SPMIP2: variants seen among roughly 807,000 people sequenced by gnomAD.
SPMIP2 encodes sperm microtubule inner protein 2.
At chr4:159,006,014 C>T in the SPMIP2 span, among the ~76,000 whole-genome samples, 2 of 152,330 alleles carry the variant, frequency 1.3e-5, no homozygotes, top group African/African-American at 4.8e-5. Context: ...ATCCACCTGC[C>T]TTGGCCTCCC....
chr4:158,975,215 A>G, the SPMIP2 span, among the ~76,000 whole-genome samples: 1 of 152,092 alleles, frequency 6.6e-6, no homozygotes, highest in Non-Finnish European at 1.5e-5. Flanking sequence ...TCAGATGGAT[A>G]GATTGCAAAA....
the SPMIP2 span, among the ~76,000 whole-genome samples, chr4:159,080,043 G>C: frequency 6.6e-6 from 1 of 152,062 alleles, no homozygotes; most frequent in East Asian, 1.9e-4. Flanking sequence ...ATAATAAAAA[G>C]TGTCAAATAA....
the SPMIP2 span, chr4:158,895,978 A>G: frequency 2.8e-6 from 2 of 718,606 alleles, no homozygotes; most frequent in Non-Finnish European, 4.9e-6. Flanking sequence ...TAACCCATCA[A>G]AGTATGTGGA....
the SPMIP2 span, among the ~76,000 whole-genome samples, chr4:159,003,559 T>A: frequency 6.6e-6 from 1 of 152,320 alleles, no homozygotes; most frequent in South Asian, 2.1e-4. Flanking sequence ...CTAATGCTAT[T>A]GTAGGCTGTA....
the SPMIP2 span, among the ~76,000 whole-genome samples, chr4:158,900,095 G>T: frequency 6.6e-6 from 1 of 152,118 alleles, no homozygotes; most frequent in African/African-American, 2.4e-5. Flanking sequence ...CCTTCATTTC[G>T]TTATGTACCC....
the SPMIP2 span, among the ~76,000 whole-genome samples, chr4:158,925,097 A>G: frequency 6.6e-6 from 1 of 152,226 alleles, no homozygotes; most frequent in Non-Finnish European, 1.5e-5. Context: ...TTCTGGAAAC[A>G]GTTTGTGAAG....
chr4:158,945,924 A>T, the SPMIP2 span, among the ~76,000 whole-genome samples: 1 of 152,170 alleles, frequency 6.6e-6, no homozygotes, highest in Non-Finnish European at 1.5e-5. Flanking sequence ...TGTAATTTGC[A>T]GTCCATGCTT....
chr4:159,074,489 T>C, the SPMIP2 span, among the ~76,000 whole-genome samples: 1 of 152,170 alleles, frequency 6.6e-6, no homozygotes, highest in Admixed American at 6.5e-5. Flanking sequence ...TTATCAGTTA[T>C]TCATTCAAGA....
the SPMIP2 span, chr4:158,905,096 T>C: frequency 3.9e-3 from 595 of 152,848 alleles, 21 homozygotes; most frequent in Admixed American, 0.034. Context: ...CCAGTGGCTT[T>C]AGCAGTGACT....
the SPMIP2 span, among the ~76,000 whole-genome samples, chr4:159,018,728 C>T: frequency 1.3e-5 from 2 of 152,278 alleles, no homozygotes; most frequent in East Asian, 3.9e-4. Flanking sequence ...GATAAATTCA[C>T]AGTCTTCTCC....
At chr4:158,911,901 ATAAAT>A in the SPMIP2 span, among the ~76,000 whole-genome samples, 2 of 152,352 alleles carry the variant, frequency 1.3e-5, no homozygotes, top group East Asian at 3.9e-4. Flanking sequence ...TGAAATAGAA[ATAAAT>A]TATGTTAAAA....
chr4:158,988,728 G>A, the SPMIP2 span, among the ~76,000 whole-genome samples: 1 of 152,020 alleles, frequency 6.6e-6, no homozygotes, highest in Non-Finnish European at 1.5e-5. Context: ...AGGTATTGAT[G>A]GAGTGTATCT....
At chr4:158,930,072 G>T in the SPMIP2 span, among the ~76,000 whole-genome samples, 1 of 152,032 alleles carries the variant, frequency 6.6e-6, no homozygotes, top group African/African-American at 2.4e-5. Flanking sequence ...ACAAATTTCT[G>T]CATACATAGA....
chr4:158,925,543 A>AAT, the SPMIP2 span, among the ~76,000 whole-genome samples: 2 of 152,192 alleles, frequency 1.3e-5, no homozygotes, highest in Non-Finnish European at 2.9e-5. Flanking sequence ...TTTCAGGATG[A>AAT]AACTGTCACC....
chr4:158,965,162 A>G, the SPMIP2 span, among the ~76,000 whole-genome samples: 2 of 152,148 alleles, frequency 1.3e-5, no homozygotes, highest in African/African-American at 4.8e-5. Context: ...ACAAAACAAC[A>G]AAGGTAAATT....
the SPMIP2 span, among the ~76,000 whole-genome samples, chr4:158,968,003 G>A: frequency 6.6e-6 from 1 of 152,164 alleles, no homozygotes; most frequent in Non-Finnish European, 1.5e-5. Flanking sequence ...GATTTCTTAT[G>A]TCAAATATGT....
chr4:159,046,945 G>A, the SPMIP2 span, among the ~76,000 whole-genome samples: 3 of 152,186 alleles, frequency 2.0e-5, no homozygotes, highest in Non-Finnish European at 4.4e-5. Context: ...TCACATGGTG[G>A]AAGAATGATC....
the SPMIP2 span, among the ~76,000 whole-genome samples, chr4:158,977,232 T>G: frequency 1.3e-5 from 2 of 151,938 alleles, no homozygotes; most frequent in African/African-American, 4.8e-5. Context: ...GGTCCTGGAC[T>G]TTTGGTTGGT....
chr4:158,960,410 A>AT, the SPMIP2 span: 1 of 906,502 alleles, frequency 1.1e-6, no homozygotes, highest in Non-Finnish European at 1.7e-6. Flanking sequence ...CTAAGTATCC[A>AT]TATTTCTAGT....
Sources: allele counts gnomAD v4.1 joint callset (sites outside exome capture counted in the v4.1 genomes callset), GRCh38; gene constraint gnomAD v4.1.1; transcripts MANE v1.5; gene names NCBI Gene and HGNC (gene_info 2026-07-23, HGNC 2026-07-21).